Variants in ASPHD1 observed in about 807,000 individuals in gnomAD.
The protein encoded by ASPHD1 is aspartate beta-hydroxylase domain containing 1.
A neutral mutation model predicts 28.3 loss-of-function variants in ASPHD1; 20 were observed. The ratio of observed to expected loss-of-function variants is 0.71; its 90% CI spans 0.50 to 1.03. The LOEUF (loss-of-function observed/expected upper bound fraction) is 1.03, where lower values mean the gene tolerates loss of function less well. Ranked by LOEUF, ASPHD1 falls within the 50% of genes least tolerant of loss-of-function variation. The probability of loss-of-function intolerance (pLI) is 0.00; values close to 1 mark genes in which losing one functional copy is unlikely to be tolerated. For synonymous variants in ASPHD1, 240 were observed against 221.2 expected, an observed-to-expected ratio of 1.08 and a Z score of -0.75; for missense variants, 479 against 524.1, an observed-to-expected ratio of 0.91 and a Z score of 0.84.
At chr16:29,914,372 A>T (rs1217042627) in intron 3 of ASPHD1, 1 of 152,044 alleles carries the variant, frequency 6.6e-6, no homozygotes, top group Non-Finnish European at 1.5e-5. Context: ...CATCTCAGTC[A>T]GGTCCAGGTG....
rs548114210 is a variant in ASPHD1 at position 29,911,341 on chromosome 16, G to A, written c.*62+5382G>A. ...GGCCAGGCTAAACGGGTCTCAGAAGGGAAGCCACATGCGCTGAGCAAATCC... is the reference window on the plus strand; with the variant it reads ...GGCCAGGCTAAACGGGTCTCAGAAGAGAAGCCACATGCGCTGAGCAAATCC... On this transcript the variant is annotated intron_variant and NMD_transcript_variant, in intron 3 of 3. Coordinates refer to the ASPHD1 transcript ENST00000414952. The A allele has an allele frequency of 1.5e-5, 9 of 619,770 alleles. No homozygotes were observed. In the Admixed American group the frequency reaches 2.3e-4, roughly 16 times the overall value. The allele number at this position is 619,770 out of a possible 1,614,324, so 38.4% of individuals were successfully genotyped here.
chr16:29,906,857 G>A (rs1397074340), downstream of ASPHD1: 2 of 1,606,872 alleles, frequency 1.2e-6, no homozygotes, highest in Non-Finnish European at 1.7e-6. Context: ...AGGAAGGCAG[G>A]GGGAGGGTCA....
chr16:29,900,670 GAGGCCGGAGAGAA>G lies in ASPHD1; in HGVS notation c.-299_-287del, dbSNP rs1003483073. Reference sequence around the variant, plus strand: ...GGAGCGAGGGCAAGGAGAGAGCAGTGAGGCCGGAGAGAAAGAAGCTGCCGCGGAGGAAGACAGG... The same window carrying G: ...GGAGCGAGGGCAAGGAGAGAGCAGTGAGAAGCTGCCGCGGAGGAAGACAGG... On this transcript the variant is annotated 5_prime_UTR_variant, in exon 1 of 3. Transcript: ENST00000308748. The G allele has an allele frequency of 2.0e-6, 1 of 501,222 alleles. No individual in the cohort carries two copies. The highest frequency in any genetic ancestry group is 1.9e-5 in the African/African-American group (1 of 51,332). The allele number at this position is 501,222 out of a possible 1,614,324, so 31.0% of individuals were successfully genotyped here. A position where few individuals can be genotyped will look rare whatever the true frequency, so the allele number is the denominator to read the frequency against.
downstream of ASPHD1, among the ~76,000 whole-genome samples, chr16:29,908,683 CT>C (rs576706189): frequency 4.2e-3 from 565 of 136,046 alleles, no homozygotes; most frequent in Non-Finnish European, 4.7e-3. Context: ...CATGCCCGGC[CT>C]TTTTTTTTTT....
At chr16:29,911,829 C>T in intron 3 of ASPHD1, 1 of 1,612,684 alleles carries the variant, frequency 6.2e-7, no homozygotes, top group Non-Finnish European at 8.5e-7. Flanking sequence ...TGTAGGAGTA[C>T]TTGTTGTTAC....
chr16:29,914,541 T>C (rs569967147), intron 3 of ASPHD1: 1 of 151,518 alleles, frequency 6.6e-6, no homozygotes, highest in African/African-American at 2.4e-5. Flanking sequence ...CAGGTTCAAG[T>C]GATTCTCTTG....
Position 29,901,379 on chromosome 16 carries a change from C to T in ASPHD1, c.408C>T (p.Pro136=). 1 of 1,590,674 alleles carries T rather than the reference C, an allele frequency of 6.3e-7. No homozygotes were observed. Among genetic ancestry groups the T allele is most frequent in the Non-Finnish European group, 8.5e-7 (1 of 1,169,900 alleles). The part of the protein sequence containing the change: ...GGPSPGGPGD[P]GEGPRTEGLV... ...CAAGCCCAGGGGGTCCTGGGGATCCCGGGGAAGGACCTAGGACGGAAGGCC... is the reference window on the plus strand; with the variant it reads ...CAAGCCCAGGGGGTCCTGGGGATCCTGGGGAAGGACCTAGGACGGAAGGCC... The change falls in exon 1 of 3, where the codon CCC becomes CCT. Residue 136 remains proline, a synonymous_variant. Coordinates refer to ENST00000308748, the MANE Select transcript of ASPHD1 (RefSeq NM_181718.4). This position sits in a 1 kb window ranked among gnomAD's most constrained non-coding sequence, Gnocchi z 5.1.
chr16:29,906,791 G>A (rs541171011), downstream of ASPHD1: 26 of 1,280,954 alleles, frequency 2.0e-5, no homozygotes, highest in Middle Eastern at 1.9e-4. Context: ...CAGCAGAGCC[G>A]GGGCAAAAGT....
chr16:29,904,210 C>A (rs948379825), intron 1 of ASPHD1, among the ~76,000 whole-genome samples: 1 of 152,046 alleles, frequency 6.6e-6, no homozygotes, highest in African/African-American at 2.4e-5. Context: ...TTTTGGGAGG[C>A]TGAGGTAGGC....
At chr16:29,906,148 C>CTTTTTT (rs770827164), downstream of ASPHD1, 7 of 177,430 alleles carry the variant, frequency 3.9e-5, no homozygotes, top group African/African-American at 1.3e-4. Flanking sequence ...TTTTTTCTTT[C>CTTTTTT]TTTTTTTTTT....
In ASPHD1 at chr16:29,905,837, C is replaced by T. The variant is rs1300695961; in HGVS notation, c.1113C>T (p.His371=). 3.1e-6 allele frequency: 5 copies of T among 1,613,626 alleles called. No individual in the cohort carries two copies. Among genetic ancestry groups the T allele is most frequent in the African/African-American group, 2.7e-5 (2 of 74,824 alleles). ...PRVVFIVDLW[H]PNVAGAERQA... is the part of the protein sequence containing the mutation. ...TGGTCTTCATCGTGGACCTCTGGCACCCCAACGTGGCAGGGGCTGAGCGCC... is the reference window on the plus strand; with the variant it reads ...TGGTCTTCATCGTGGACCTCTGGCATCCCAACGTGGCAGGGGCTGAGCGCC... The change falls in exon 3 of 3, where the codon CAC becomes CAT. Residue 371 remains histidine (H), a synonymous_variant. Transcript: ENST00000308748.
At chr16:29,908,630 C>T (rs997620916), downstream of ASPHD1, among the ~76,000 whole-genome samples, 3 of 151,310 alleles carry the variant, frequency 2.0e-5, no homozygotes, top group Non-Finnish European at 2.9e-5. Context: ...GTGATCTGCC[C>T]GCCTCAGCCT....
At chr16:29,907,596 G>A (rs1353711617), downstream of ASPHD1, among the ~76,000 whole-genome samples, 2 of 151,772 alleles carry the variant, frequency 1.3e-5, no homozygotes, top group African/African-American at 4.8e-5. Flanking sequence ...AGTCTAGTCT[G>A]GGCAACATGG....
chr16:29,901,956 T>C lies in ASPHD1; in HGVS notation c.949+36T>C. The C allele has an allele frequency of 7.0e-7, 1 of 1,420,810 alleles. No homozygotes were observed. The highest frequency in any genetic ancestry group is 9.2e-7 in the Non-Finnish European group (1 of 1,082,808). The allele number at this position is 1,420,810 out of a possible 1,614,324, so 88.0% of individuals were successfully genotyped here. A position where few individuals can be genotyped will look rare whatever the true frequency, so the allele number is the denominator to read the frequency against. On this transcript the variant is annotated intron_variant, in intron 1 of 2. Coordinates refer to ENST00000308748, the MANE Select transcript of ASPHD1 (RefSeq NM_181718.4). This position sits in a 1 kb window ranked among gnomAD's most constrained non-coding sequence, Gnocchi z 5.1. ...GCCGCCTACTGACAACCTCCTTGCCTCGATGATTTCCCCCCCAGACCCTTC... is the reference window on the plus strand; with the variant it reads ...GCCGCCTACTGACAACCTCCTTGCCCCGATGATTTCCCCCCCAGACCCTTC...
chr16:29,909,373 T>G (rs1031344274), downstream of ASPHD1, among the ~76,000 whole-genome samples: 15 of 152,068 alleles, frequency 9.9e-5, no homozygotes, highest in Admixed American at 9.8e-4. Context: ...GAGGCAACAG[T>G]GTGTGCAGAG....
chr16:29,903,631 A>G (rs1210996988), intron 1 of ASPHD1, among the ~76,000 whole-genome samples: 1 of 151,880 alleles, frequency 6.6e-6, no homozygotes, highest in East Asian at 1.9e-4. Flanking sequence ...ATCAGTTCCC[A>G]ATCCTTCCTC....
chr16:29,911,285 G>A lies in ASPHD1; in HGVS notation c.*62+5326G>A, dbSNP rs1442825401. ...TCCTCTGCTCCTGCCCAGGGCTTTG[G>A]TGCTCAACAGAGAGCCTCCTCCACC... On this transcript the variant is annotated intron_variant and NMD_transcript_variant, in intron 3 of 3. Transcript: ENST00000414952. 4 of 828,542 alleles carry A rather than the reference G, an allele frequency of 4.8e-6. No homozygotes were observed. The East Asian group carries it at 1.1e-4, about 22-fold the overall frequency. 51.3% of individuals were successfully genotyped at this position (828,542 alleles called of 1,614,324 possible). A position where few individuals can be genotyped will look rare whatever the true frequency, so the allele number is the denominator to read the frequency against.
In ASPHD1 at chr16:29,901,349, C is replaced by T. The variant is rs746155134; in HGVS notation, c.378C>T (p.Gly126=). Residue 126 remains glycine (G), a synonymous_variant, in exon 1 of 3, where the codon GGC becomes GGT. Transcript: ENST00000308748. The surrounding 1 kb of genome is among the most constrained non-coding windows in gnomAD (Gnocchi z 5.1). The stretch of plus-strand genomic sequence containing the variant: ...GGCCTGTGGGATGCTCGGAGGCCGG[C>T]GGGCCAAGCCCAGGGGGTCCTGGGG... ...RGGPVGCSEA[G]GPSPGGPGDP... is the part of the protein sequence containing the mutation. The T allele has an allele frequency of 1.9e-6, 3 of 1,599,784 alleles. No individual in the cohort carries two copies. The highest frequency in any genetic ancestry group is 2.7e-5 in the African/African-American group (2 of 74,512).
rs1205458577 is a variant in ASPHD1 at position 29,904,907 on chromosome 16, G to A, written c.1005G>A (p.Trp335Ter). Residue 335 changes from tryptophan to a stop codon, truncating the protein, a stop_gained, in exon 2 of 3, where the codon TGG becomes TGA. Transcript: ENST00000308748. LOFTEE classifies it high-confidence loss of function. ...TGGTCGGCGGTGAGCCCCAGTGCTG[G>A]GCTGAGGGGCACTGTCTACTGGTGG... Reference protein sequence around the residue: ...ELVVGGEPQCWAEGHCLLVDD... With the variant: ...ELVVGGEPQC 2 of 1,613,536 alleles carry A rather than the reference G, an allele frequency of 1.2e-6. No individual in the cohort carries two copies. Among genetic ancestry groups the A allele is most frequent in the Admixed American group, 3.3e-5 (2 of 59,892 alleles).
Sources: allele counts gnomAD v4.1 joint callset (sites outside exome capture counted in the v4.1 genomes callset), GRCh38; gene constraint gnomAD v4.1.1; non-coding constraint Gnocchi (gnomAD v3.1); transcripts MANE v1.5; gene names NCBI Gene and HGNC (gene_info 2026-07-23, HGNC 2026-07-21).